The following DLGAP2 variants were observed in gnomAD, a reference collection of about 807,000 sequenced individuals.
DLGAP2 encodes disks large-associated protein 2.
Under a neutral mutation model 100.3 loss-of-function variants are expected in DLGAP2, and 26 were observed. That is an observed-to-expected ratio of 0.26 (90% CI 0.19 to 0.36). The LOEUF (loss-of-function observed/expected upper bound fraction) is 0.36, where lower values mean the gene tolerates loss of function less well. Among genes scored for constraint, DLGAP2 ranks in the 10% least tolerant of loss-of-function variants. DLGAP2 has a pLI of 1.00. For synonymous variants in DLGAP2, 886 were observed against 630.1 expected (o/e 1.41, Z -6.08); for missense variants, 1,858 against 1,453.2 (o/e 1.28, Z -4.53).
At chr8:1,245,635 G>A (rs777146156) in intron 2 of DLGAP2, among the ~76,000 whole-genome samples, 1 of 152,218 alleles carries the variant, frequency 6.6e-6, no homozygotes, top group Admixed American at 6.5e-5. Flanking sequence ...TTGGAGTGAC[G>A]AAATGTTATG....
chr8:907,668 C>T (rs933940984), intron 1 of DLGAP2, among the ~76,000 whole-genome samples: 4 of 152,186 alleles, frequency 2.6e-5, no homozygotes, highest in Admixed American at 1.3e-4. Flanking sequence ...CCATTAAACC[C>T]GGCTGCATTC....
In DLGAP2 at chr8:1,707,616, G is replaced by C. The variant is rs1799741493; in HGVS notation, c.*6210G>C. 6.6e-6 allele frequency: 1 copy of C among 152,036 alleles called. No individual in the cohort carries two copies. The highest frequency in any genetic ancestry group is 6.5e-5 in the Admixed American group (1 of 15,270). 9.4% of individuals were successfully genotyped at this position (152,036 alleles called of 1,614,324 possible). A position where few individuals can be genotyped will look rare whatever the true frequency, so the allele number is the denominator to read the frequency against. ...GGTAAGCCACTTCGCTCTCGGGCAG[G>C]ACAGGTCCTCCCTGCAGAGAGAGAC... On this transcript the variant is annotated 3_prime_UTR_variant, in exon 15 of 15. Transcript: ENST00000637795.
intron 6 of DLGAP2, among the ~76,000 whole-genome samples, chr8:1,593,610 A>C (rs1410426451): frequency 3.3e-5 from 5 of 152,162 alleles, no homozygotes; most frequent in Non-Finnish European, 7.3e-5. Flanking sequence ...CCCTACAATC[A>C]GGAAGAGACC....
chr8:961,069 C>A (rs757809828), intron 2 of DLGAP2, among the ~76,000 whole-genome samples: 1 of 152,228 alleles, frequency 6.6e-6, no homozygotes, highest in South Asian at 2.1e-4. Context: ...GTGGCTCTCT[C>A]ATGTTGCCTG....
chr8:1,151,771 G>T (rs1159828104), intron 2 of DLGAP2, among the ~76,000 whole-genome samples: 2 of 152,154 alleles, frequency 1.3e-5, no homozygotes, highest in African/African-American at 4.8e-5. Flanking sequence ...CATTTAGGTT[G>T]TTCTGTTTAC....
At chr8:1,096,343 C>T (rs926472103) in intron 2 of DLGAP2, among the ~76,000 whole-genome samples, 11 of 152,240 alleles carry the variant, frequency 7.2e-5, no homozygotes, top group Non-Finnish European at 1.5e-4. Flanking sequence ...AGGGCACCAG[C>T]ATTTAAATGC....
At chr8:800,702 G>T (rs1026400268) in intron 1 of DLGAP2, among the ~76,000 whole-genome samples, 1 of 152,170 alleles carries the variant, frequency 6.6e-6, no homozygotes, top group Non-Finnish European at 1.5e-5. Flanking sequence ...GTGTGCATGT[G>T]TGTGTCTGTG....
At chr8:1,159,601 T>C (rs1004637412) in intron 2 of DLGAP2, among the ~76,000 whole-genome samples, 1 of 152,174 alleles carries the variant, frequency 6.6e-6, no homozygotes, top group Non-Finnish European at 1.5e-5. Flanking sequence ...CTATCTAGAT[T>C]TGTACAACAG....
chr8:1,369,751 C>G (rs545349397), intron 3 of DLGAP2: 8 of 152,320 alleles, frequency 5.3e-5, no homozygotes, highest in Non-Finnish European at 1.2e-4. Flanking sequence ...CCTCTGAACT[C>G]TTTTAACATT....
At chr8:1,306,341 G>A (rs1235869881) in intron 3 of DLGAP2, among the ~76,000 whole-genome samples, 4 of 151,882 alleles carry the variant, frequency 2.6e-5, no homozygotes, top group Admixed American at 6.6e-5. Context: ...ATTTATAATC[G>A]TGTCAAAAAA....
rs147567169 is a variant in DLGAP2 at position 1,564,021 on chromosome 8, C to T, written c.1231-1662C>T. Among the ~76,000 whole-genome samples, 601 of 152,280 alleles carry T rather than the reference C, an allele frequency of 3.9e-3. 2 individuals carry two copies. The highest frequency in any genetic ancestry group is 9.3e-3 in the South Asian group (45 of 4,822). On this transcript the variant is annotated intron_variant, in intron 5 of 14. Coordinates refer to ENST00000637795, the MANE Select transcript of DLGAP2 (RefSeq NM_001346810.2). ...TGTAAACAGCATTTGGGGAGATTCT[C>T]TTCTCCTACATGAAAAACATGCTAT...
In DLGAP2 at chr8:1,022,239, A is replaced by C. The variant is rs566968140; in HGVS notation, c.73+114273A>C. ...AGTGGACAGTCCCATGCCGAGGTAG[A>C]CACTCCAGCCGCCACCCATCCTCCC... is the stretch of plus-strand genomic sequence containing the variant. On this transcript the variant is annotated intron_variant, in intron 2 of 14. Transcript: ENST00000637795. 5.3e-5 allele frequency among the ~76,000 whole-genome samples: 8 copies of C among 150,774 alleles called. No individual in the cohort carries two copies. In the South Asian group the frequency reaches 1.7e-3, roughly 32 times the overall value.
At chr8:1,250,357 C>G (rs1420867362) in intron 2 of DLGAP2, 2 of 152,300 alleles carry the variant, frequency 1.3e-5, no homozygotes, top group Admixed American at 1.3e-4. Context: ...CCTCCTGCCA[C>G]AGCTGCATGG....
At chr8:915,925 C>T (rs1007971422) in intron 2 of DLGAP2, among the ~76,000 whole-genome samples, 4 of 118,890 alleles carry the variant, frequency 3.4e-5, no homozygotes, top group East Asian at 2.4e-4. Flanking sequence ...CCTCATTGTA[C>T]ACTCTCCGCA....
At chr8:1,188,503 TCA>T (rs1386014568) in intron 2 of DLGAP2, among the ~76,000 whole-genome samples, 1 of 140,710 alleles carries the variant, frequency 7.1e-6, no homozygotes, top group African/African-American at 3.1e-5. Flanking sequence ...TCACGGAATC[TCA>T]CACGCCCGGG....
intron 2 of DLGAP2, among the ~76,000 whole-genome samples, chr8:1,217,985 C>T (rs980845886): frequency 6.6e-6 from 1 of 152,032 alleles, no homozygotes; most frequent in East Asian, 1.9e-4. Flanking sequence ...TTTGTTGATG[C>T]TAGGTATTAG....
At position 1,357,079 on chromosome 8, in the gene DLGAP2, A is replaced by G. The variant is rs113338364; in HGVS notation, c.106+98196A>G. ...CTGTTCTGTTTGCAGACTTTGATCC[A>G]ATGACATTAAAGCAGATGAGCCACC... is the stretch of plus-strand genomic sequence containing the variant. On this transcript the variant is annotated intron_variant, in intron 3 of 14. Transcript: ENST00000637795. Among the ~76,000 whole-genome samples the G allele has an allele frequency of 3.2e-3, 478 of 150,942 alleles. 5 individuals carry two copies. The highest frequency in any genetic ancestry group is 0.015 in the South Asian group (72 of 4,804).
rs545543830 is a variant in DLGAP2, at chr8:1,591,039, C to A, written c.1442+25145C>A. Among the ~76,000 whole-genome samples the A allele has an allele frequency of 4.6e-5, 7 of 152,346 alleles. No individual in the cohort carries two copies. In the South Asian group the frequency reaches 1.4e-3, roughly 32 times the overall value. On this transcript the variant is annotated intron_variant, in intron 6 of 14. Transcript: ENST00000637795. Reference sequence around the variant, plus strand: ...AGGATGTAGATATGAAAACATCTTACACATTCTTGCCCTTCCGTGCTCGGG... The same window carrying A: ...AGGATGTAGATATGAAAACATCTTAAACATTCTTGCCCTTCCGTGCTCGGG...
chr8:1,351,867 A>ACTGTGTGTGGAAAGGCCGTGCG (rs1563100156), intron 3 of DLGAP2, among the ~76,000 whole-genome samples: 14 of 42,934 alleles, frequency 3.3e-4, no homozygotes, highest in Admixed American at 7.2e-4. Flanking sequence ...AAGGCCGTGC[A>ACTGTGTGTGGAAAGGCCGTGCG]GGTCCTGACT....
Sources: allele counts gnomAD v4.1 joint callset (sites outside exome capture counted in the v4.1 genomes callset), GRCh38; gene constraint gnomAD v4.1.1; transcripts MANE v1.5; gene names NCBI Gene and HGNC (gene_info 2026-07-23, HGNC 2026-07-21).